CAMK2A: variants seen among roughly 807,000 people sequenced by gnomAD.
CAMK2A encodes the protein calcium/calmodulin dependent protein kinase II alpha.
A neutral mutation model predicts 79.2 loss-of-function variants in CAMK2A; 7 were observed. The ratio of observed to expected loss-of-function variants is 0.09; its 90% CI spans 0.05 to 0.17. The LOEUF (loss-of-function observed/expected upper bound fraction) is 0.17. Among genes scored for constraint, CAMK2A ranks in the 10% least tolerant of loss-of-function variants. The probability of loss-of-function intolerance (pLI) is 1.00; values close to 1 mark genes in which losing one functional copy is unlikely to be tolerated. For synonymous variants in CAMK2A, 242 were observed against 251.7 expected (o/e 0.96, Z 0.36); for missense variants, 214 against 646.4 (o/e 0.33, Z 7.25).
intron 15 of CAMK2A, among the ~76,000 whole-genome samples, chr5:150,235,877 G>A (rs1294624705): frequency 6.6e-6 from 1 of 152,136 alleles, no homozygotes; most frequent in African/African-American, 2.4e-5. Context: ...GGGAGAGGCT[G>A]GGGGAGGCAC....
chr5:150,278,428 G>A (rs1033027280), intron 1 of CAMK2A, among the ~76,000 whole-genome samples: 1 of 151,160 alleles, frequency 6.6e-6, no homozygotes, highest in African/African-American at 2.4e-5. Context: ...GCATGAACAA[G>A]TGGCAATAGC....
At chr5:150,270,293 A>G (rs1349350177) in intron 2 of CAMK2A, among the ~76,000 whole-genome samples, 1 of 152,262 alleles carries the variant, frequency 6.6e-6, no homozygotes, top group African/African-American at 2.4e-5. Flanking sequence ...AAAAGCTCCC[A>G]AAGGTATTCG....
chr5:150,274,007 G>T (rs545609984), intron 1 of CAMK2A, among the ~76,000 whole-genome samples: 1 of 152,322 alleles, frequency 6.6e-6, no homozygotes, highest in East Asian at 1.9e-4. Flanking sequence ...ATGAGAGATT[G>T]TCCATATTAA....
chr5:150,231,152 C>T (rs1040677462), intron 16 of CAMK2A, among the ~76,000 whole-genome samples, 153 bp downstream of exon 16: 1 of 151,938 alleles, frequency 6.6e-6, no homozygotes, highest in Non-Finnish European at 1.5e-5. Flanking sequence ...GCATCAAGTC[C>T]GGATGCAAAA....
chr5:150,268,768 A>AT (rs891383093), intron 2 of CAMK2A, among the ~76,000 whole-genome samples: 5 of 151,800 alleles, frequency 3.3e-5, no homozygotes, highest in Admixed American at 6.6e-5. Flanking sequence ...CATTCTAATA[A>AT]TTTTTTTTGA....
chr5:150,272,501 G>A (rs1483014448), intron 2 of CAMK2A, among the ~76,000 whole-genome samples: 1 of 151,760 alleles, frequency 6.6e-6, no homozygotes, highest in Non-Finnish European at 1.5e-5. Flanking sequence ...GAACCCGGGA[G>A]GCAGAGGTTG....
chr5:150,282,117 C>G (rs1331793877), intron 1 of CAMK2A, among the ~76,000 whole-genome samples: 1 of 152,170 alleles, frequency 6.6e-6, no homozygotes, highest in African/African-American at 2.4e-5. Flanking sequence ...AACCACACCT[C>G]TCCCGTCCTC....
In CAMK2A at chr5:150,244,093, A is replaced by G. The variant is rs1045630211; in HGVS notation, c.984+1068T>C. On this transcript the variant is annotated intron_variant, in intron 13 of 18. Coordinates refer to ENST00000671881, the MANE Select transcript of CAMK2A (RefSeq NM_015981.4). ...AGATGAGAAGGGAGAATGATTAGAT[A>G]GGATTTTATTGCTTTTTTTGTTTGT... Among the ~76,000 whole-genome samples, 11 of 151,864 alleles carry G rather than the reference A, an allele frequency of 7.2e-5. 3 individuals carry two copies. The highest frequency in any genetic ancestry group is 7.2e-4 in the Admixed American group (11 of 15,274).
intron 15 of CAMK2A, among the ~76,000 whole-genome samples, chr5:150,235,964 G>GT (rs779705564): frequency 2.6e-5 from 4 of 152,098 alleles, no homozygotes; most frequent in Non-Finnish European, 5.9e-5. Context: ...GGCTTTTGGG[G>GT]TTTTTTACAT....
intron 1 of CAMK2A, among the ~76,000 whole-genome samples, chr5:150,277,365 G>A (rs1276258863): frequency 6.6e-6 from 1 of 152,232 alleles, no homozygotes; most frequent in Non-Finnish European, 1.5e-5. Context: ...GCCTTCCGGG[G>A]AAGTCCTGCT....
intron 1 of CAMK2A, among the ~76,000 whole-genome samples, chr5:150,287,255 G>A (rs1757462081): frequency 1.3e-5 from 2 of 152,202 alleles, no homozygotes; most frequent in African/African-American, 2.4e-5. Context: ...CAGTCTTCCC[G>A]ATGTCCCTGC....
At chr5:150,282,751 TC>T (rs1368172825) in intron 1 of CAMK2A, among the ~76,000 whole-genome samples, 1 of 152,240 alleles carries the variant, frequency 6.6e-6, no homozygotes, top group East Asian at 1.9e-4. Context: ...ATCTCCCATA[TC>T]ATTCTTTCAG....
rs1754279213 is a variant in CAMK2A at position 150,220,976 on chromosome 5, CA to C, written c.*1733del. On this transcript the variant is annotated 3_prime_UTR_variant, in exon 19 of 19. Coordinates refer to ENST00000671881, the MANE Select transcript of CAMK2A (RefSeq NM_015981.4). ...GGGTCGAGGGTACCGGAGCCTCCTCCAATCCCTGGGGACGTGGCTCTTCCTC... is the reference window on the plus strand; with the variant it reads ...GGGTCGAGGGTACCGGAGCCTCCTCCATCCCTGGGGACGTGGCTCTTCCTC... 1 of 152,876 alleles carries C rather than the reference CA, an allele frequency of 6.5e-6. No individual in the cohort carries two copies. The allele number at this position is 152,876 out of a possible 1,614,324, so 9.5% of individuals were successfully genotyped here. A position where few individuals can be genotyped will look rare whatever the true frequency, so the allele number is the denominator to read the frequency against.
At chr5:150,228,356 G>A (rs773681241) in intron 16 of CAMK2A, 70 bp from the exon 17 acceptor site, 7 of 1,080,996 alleles carry the variant, frequency 6.5e-6, no homozygotes, top group Non-Finnish European at 8.3e-6. Flanking sequence ...GGGTGAGCCT[G>A]TGAAATAGGA....
rs371115613 is a variant in CAMK2A, at chr5:150,262,289, A to T, written c.217+2667T>A. On this transcript the variant is annotated intron_variant, in intron 3 of 18. Transcript: ENST00000671881. ...AGATTGGCCAAGCAGGCTGAACAGG[A>T]CTCAGTCCAGTGTCTTTAGGCACAA... is the stretch of plus-strand genomic sequence containing the variant. 1.4e-4 allele frequency among the ~76,000 whole-genome samples: 22 copies of T among 152,228 alleles called. No individual in the cohort carries two copies. In the South Asian group the frequency reaches 4.2e-3, roughly 29 times the overall value.
At chr5:150,236,128 G>C (rs1755047749) in intron 15 of CAMK2A, among the ~76,000 whole-genome samples, 1 of 152,138 alleles carries the variant, frequency 6.6e-6, no homozygotes, top group African/African-American at 2.4e-5. Context: ...ACCCCATCCT[G>C]ATCGCTCTAA....
chr5:150,223,993 G>A lies in CAMK2A; in HGVS notation c.1238-776C>T, dbSNP rs529011652. Among the ~76,000 whole-genome samples the A allele has an allele frequency of 6.6e-5, 10 of 152,302 alleles. 1 individual carries two copies. Among genetic ancestry groups the A allele is most frequent in the Admixed American group, 5.2e-4 (8 of 15,302 alleles). On this transcript the variant is annotated intron_variant, in intron 17 of 18. Transcript: ENST00000671881. This position sits in a 1 kb window ranked among gnomAD's most constrained non-coding sequence, Gnocchi z 4.1. ...GGAAACGTGGAGGAATATGAAAATT[G>A]TAGAATCTTAGAACCTTGAAATGAT...
intron 3 of CAMK2A, among the ~76,000 whole-genome samples, chr5:150,264,004 GC>G (rs1383733564): frequency 6.6e-6 from 1 of 152,204 alleles, no homozygotes; most frequent in Non-Finnish European, 1.5e-5. Flanking sequence ...AACCCTTGGG[GC>G]CCTGGGCACG....
intron 1 of CAMK2A, among the ~76,000 whole-genome samples, chr5:150,285,984 C>T (rs973169400): frequency 3.3e-5 from 5 of 152,300 alleles, no homozygotes; most frequent in African/African-American, 1.2e-4. Flanking sequence ...GTGGCAACCC[C>T]TTTGCCCAAT....
Sources: gnomAD v4.1 joint callset for allele counts (sites outside exome capture counted in the v4.1 genomes callset) on GRCh38, gnomAD v4.1.1 for gene constraint, Gnocchi (gnomAD v3.1) non-coding constraint, MANE v1.5 for transcripts, NCBI Gene and HGNC (gene_info 2026-07-23, HGNC 2026-07-21) for gene names.